The following PRTFDC1 variants were observed in gnomAD, a reference collection of about 807,000 sequenced individuals.
PRTFDC1 encodes the protein phosphoribosyltransferase domain-containing protein 1.
PRTFDC1 carries 38 observed loss-of-function variants against 34.6 expected under a neutral mutation model. That is an observed-to-expected ratio of 1.10 (90% CI 0.85 to 1.44). The LOEUF (loss-of-function observed/expected upper bound fraction) is 1.44, where lower values mean the gene tolerates loss of function less well. Among genes scored for constraint, PRTFDC1 ranks in the 40% most tolerant of loss-of-function variants. PRTFDC1 has a pLI of 0.00. For synonymous variants in PRTFDC1, 93 were observed against 98.1 expected (o/e 0.95, Z 0.31); for missense variants, 270 against 283.0 (o/e 0.95, Z 0.33).
chr10:24,905,632 T>C (rs1360297634), intron 3 of PRTFDC1, among the ~76,000 whole-genome samples: 1 of 152,088 alleles, frequency 6.6e-6, no homozygotes, highest in Non-Finnish European at 1.5e-5. Flanking sequence ...TTTAAAAGTG[T>C]CTTGTCTGCC....
Position 24,849,595 on chromosome 10 carries a change from C to T in PRTFDC1, c.*249G>A. The T allele has an allele frequency of 2.3e-6, 1 of 439,626 alleles. No homozygotes were observed. Among genetic ancestry groups the T allele is most frequent in the Non-Finnish European group, 4.1e-6 (1 of 245,884 alleles). The allele number at this position is 439,626 out of a possible 1,614,324, so 27.2% of individuals were successfully genotyped here. Reference sequence around the variant, plus strand: ...AGCTCAGGAGTGTGAAGGTAGATAGCATTGCTGAGTCACAAGGCGGAGTGT... The same window carrying T: ...AGCTCAGGAGTGTGAAGGTAGATAGTATTGCTGAGTCACAAGGCGGAGTGT... On this transcript the variant is annotated 3_prime_UTR_variant, in exon 9 of 9. Transcript: ENST00000320152.
chr10:24,862,733 G>A (rs1003564264), intron 4 of PRTFDC1, among the ~76,000 whole-genome samples: 9 of 152,084 alleles, frequency 5.9e-5, no homozygotes, highest in African/African-American at 1.7e-4. Context: ...TGTTGAGCAC[G>A]TGTATTGGTG....
At chr10:24,898,281 C>G (rs1362763512) in intron 3 of PRTFDC1, among the ~76,000 whole-genome samples, 2 of 84,988 alleles carry the variant, frequency 2.4e-5, no homozygotes, top group South Asian at 7.9e-4. Flanking sequence ...GAAATCCCGT[C>G]TCTACAAAAA....
In PRTFDC1 at chr10:24,937,284, T is replaced by A; in HGVS notation, c.239A>T (p.Lys80Ile). 2 of 1,614,010 alleles carry A rather than the reference T, an allele frequency of 1.2e-6. No homozygotes were observed. Among genetic ancestry groups the A allele is most frequent in the Non-Finnish European group, 1.7e-6 (2 of 1,179,954 alleles). The part of the protein sequence containing the change: ...MVLCVLKGGY[K>I]FCADLVEHLK... ...GTGTTCTACGAGATCAGCACAGAAT[T>A]TGTAACCTCCTTTAAGCACACACAG... Residue 80 changes from lysine (K) to isoleucine (I), a missense_variant, in exon 3 of 9, where the codon AAA (lysine) becomes ATA (isoleucine). Coordinates refer to ENST00000320152, the MANE Select transcript of PRTFDC1 (RefSeq NM_020200.7).
intron 4 of PRTFDC1, among the ~76,000 whole-genome samples, chr10:24,863,460 T>G (rs1411775419): frequency 6.6e-6 from 1 of 152,172 alleles, no homozygotes; most frequent in Non-Finnish European, 1.5e-5. Flanking sequence ...ATCTACCTGG[T>G]CACCTAAGAG....
chr10:24,946,170 G>A (rs1400313915), intron 1 of PRTFDC1, among the ~76,000 whole-genome samples: 1 of 152,014 alleles, frequency 6.6e-6, no homozygotes, highest in Non-Finnish European at 1.5e-5. Flanking sequence ...CCCCCGTTCT[G>A]GTTGAATCTT....
intron 4 of PRTFDC1, among the ~76,000 whole-genome samples, chr10:24,871,069 TAAAA>T (rs11314430): frequency 9.7e-6 from 1 of 103,110 alleles, no homozygotes. Flanking sequence ...AGACTCTGTC[TAAAA>T]AAAAAAAAAA....
intron 4 of PRTFDC1, among the ~76,000 whole-genome samples, chr10:24,861,093 T>C (rs1847672699): frequency 7.1e-6 from 1 of 141,442 alleles, no homozygotes; most frequent in Non-Finnish European, 1.5e-5. Flanking sequence ...TTCTAAGATA[T>C]AGTGGTAAGT....
At chr10:24,932,023 T>C (rs915293953) in intron 3 of PRTFDC1, among the ~76,000 whole-genome samples, 1 of 151,874 alleles carries the variant, frequency 6.6e-6, no homozygotes, top group South Asian at 2.1e-4. Flanking sequence ...GGATAATATG[T>C]CATTATATTA....
intron 3 of PRTFDC1, among the ~76,000 whole-genome samples, chr10:24,934,242 AAGAAGG>A (rs1439171738): frequency 4.7e-5 from 3 of 63,272 alleles, no homozygotes; most frequent in African/African-American, 1.9e-4. Flanking sequence ...GAAGAAGAAG[AAGAAGG>A]AGAAGAAGAA....
At chr10:24,868,010 C>T (rs530958988) in intron 4 of PRTFDC1, 1 of 152,382 alleles carries the variant, frequency 6.6e-6, no homozygotes, top group African/African-American at 2.4e-5. Flanking sequence ...CCAGGCTGGT[C>T]TCAAACTCCT....
At chr10:24,914,240 T>G (rs1160108701) in intron 3 of PRTFDC1, among the ~76,000 whole-genome samples, 1 of 152,230 alleles carries the variant, frequency 6.6e-6, no homozygotes. Flanking sequence ...TCTAAATATT[T>G]TATTCAAGAG....
Position 24,952,447 on chromosome 10 carries a change from C to T in PRTFDC1, c.48+81G>A, listed in dbSNP as rs2132629822. The stretch of plus-strand genomic sequence containing the variant: ...GTGGCCCTCTCTCTCCCCCGACGCA[C>T]GGCAAGCATTTAATCTACAAGCAGG... On this transcript the variant is annotated intron_variant, in intron 1 of 8. Coordinates refer to ENST00000320152, the MANE Select transcript of PRTFDC1 (RefSeq NM_020200.7). The surrounding 1 kb of genome is among the most constrained non-coding windows in gnomAD (Gnocchi z 5.1). 1 of 1,464,722 alleles carries T rather than the reference C, an allele frequency of 6.8e-7. No individual in the cohort carries two copies. The highest frequency in any genetic ancestry group is 1.2e-5 in the South Asian group (1 of 81,426). 90.7% of individuals were successfully genotyped at this position (1,464,722 alleles called of 1,614,324 possible). A position where few individuals can be genotyped will look rare whatever the true frequency, so the allele number is the denominator to read the frequency against.
Position 24,849,197 on chromosome 10 carries a change from A to G in PRTFDC1, c.*647T>C, listed in dbSNP as rs1847440302. The G allele has an allele frequency of 6.5e-6, 1 of 152,672 alleles. No homozygotes were observed. Among genetic ancestry groups the G allele is most frequent in the Admixed American group, 6.5e-5 (1 of 15,280 alleles). The allele number at this position is 152,672 out of a possible 1,614,324, so 9.5% of individuals were successfully genotyped here. The stretch of plus-strand genomic sequence containing the variant: ...TGCATACATGACATACCGTCATCAC[A>G]TACCGGAAGCTCCAATCAAGAGCCC... On this transcript the variant is annotated 3_prime_UTR_variant, in exon 9 of 9. Coordinates refer to ENST00000320152, the MANE Select transcript of PRTFDC1 (RefSeq NM_020200.7).
At chr10:24,940,921 T>C (rs1588625479) in intron 2 of PRTFDC1, among the ~76,000 whole-genome samples, 1 of 152,138 alleles carries the variant, frequency 6.6e-6, no homozygotes, top group Non-Finnish European at 1.5e-5. Context: ...TTGGGGATGA[T>C]GGAAATGTAA....
intron 3 of PRTFDC1, among the ~76,000 whole-genome samples, chr10:24,933,792 C>T (rs1461395321): frequency 6.6e-5 from 10 of 151,072 alleles, no homozygotes; most frequent in African/African-American, 1.7e-4. Context: ...CTCCCAGGTT[C>T]GAGTGATTCT....
rs960753052 is a variant in PRTFDC1, at chr10:24,908,793, G to A, written c.339+28391C>T. On this transcript the variant is annotated intron_variant, in intron 3 of 8. Coordinates refer to ENST00000320152, the MANE Select transcript of PRTFDC1 (RefSeq NM_020200.7). ...GATCAATGGGGTGACTGATGCCACA[G>A]CCAGATAGCCCTCACATCCCCCTTT... 3 of 1,416,604 alleles carry A rather than the reference G, an allele frequency of 2.1e-6. No homozygotes were observed. In the African/African-American group the frequency reaches 4.3e-5, roughly 20 times the overall value. The allele number at this position is 1,416,604 out of a possible 1,614,324, so 87.8% of individuals were successfully genotyped here. A position where few individuals can be genotyped will look rare whatever the true frequency, so the allele number is the denominator to read the frequency against.
chr10:24,852,168 T>A (rs1047619924), intron 7 of PRTFDC1, among the ~76,000 whole-genome samples: 1 of 151,946 alleles, frequency 6.6e-6, no homozygotes, highest in African/African-American at 2.4e-5. Flanking sequence ...AAGATGATGA[T>A]TTTTTGTCAG....
rs187967306 is a variant in PRTFDC1 at position 24,863,172 on chromosome 10, C to A, written c.406-4763G>T. On this transcript the variant is annotated intron_variant, in intron 4 of 8. Transcript: ENST00000320152. ...GGATTAGAGGTGTGAGTCACTGTGA[C>A]GCCCCCTAGACTGACTCCTTTTAGG... Among the ~76,000 whole-genome samples, 4 of 152,088 alleles carry A rather than the reference C, an allele frequency of 2.6e-5. No homozygotes were observed. The East Asian group carries it at 7.7e-4, about 29-fold the overall frequency.
Sources: gnomAD v4.1 joint callset for allele counts (sites outside exome capture counted in the v4.1 genomes callset) on GRCh38, gnomAD v4.1.1 for gene constraint, Gnocchi (gnomAD v3.1) non-coding constraint, MANE v1.5 for transcripts, NCBI Gene and HGNC (gene_info 2026-07-23, HGNC 2026-07-21) for gene names.